NLRP6: variants seen among roughly 807,000 people sequenced by gnomAD.
NLRP6 encodes the protein NACHT, LRR and PYD domains-containing protein 6.
A neutral mutation model predicts 70.9 loss-of-function variants in NLRP6; 55 were observed. The ratio of observed to expected loss-of-function variants is 0.78; its 90% CI spans 0.62 to 0.97. The LOEUF is 0.97. NLRP6 is among the 50% of genes least tolerant of loss of function. NLRP6 has a pLI of 0.00. For synonymous variants in NLRP6, 652 were observed against 581.9 expected (o/e 1.12, Z -1.73); for missense variants, 1,241 against 1,238.3 (o/e 1.00, Z -0.03).
chr11:279,270 G>A lies in NLRP6; in HGVS notation c.30-57G>A, dbSNP rs781105794. ...GGGTTCTCCGGCGCCAGAGTCGGGG[G>A]CGGGCGGGGGTCACCCGAGGGCCGC... On this transcript the variant is annotated intron_variant, in intron 1 of 7. Transcript: ENST00000534750. 9.7e-4 allele frequency: 1,175 copies of A among 1,216,010 alleles called. 20 individuals carry two copies. Among genetic ancestry groups the A allele is most frequent in the Non-Finnish European group, 1.2e-4 (119 of 972,864 alleles). 75.3% of individuals were successfully genotyped at this position (1,216,010 alleles called of 1,614,324 possible). A position where few individuals can be genotyped will look rare whatever the true frequency, so the allele number is the denominator to read the frequency against.
chr11:281,425 G>A lies in NLRP6; in HGVS notation c.1691G>A (p.Gly564Asp). 3.1e-6 allele frequency: 5 copies of A among 1,607,920 alleles called. No homozygotes were observed. The highest frequency in any genetic ancestry group is 1.3e-5 in the African/African-American group (1 of 75,002). The change falls in exon 4 of 8, where the codon GGC (glycine) becomes GAC (aspartate). Residue 564 changes from glycine (G) to aspartate (D), a missense_variant. Gly to Asp is a moderately conservative substitution (Grantham distance 94). Coordinates refer to ENST00000534750, the MANE Select transcript of NLRP6 (RefSeq NM_001276700.2). Reference protein sequence around the residue: ...ERMRDIERHFGCMVSERVKQE... With the variant: ...ERMRDIERHFDCMVSERVKQE... ...ATGCGCGACATCGAGCGCCACTTCGGCTGCATGGTTTCAGAGCGTGTGAAG... is the reference window on the plus strand; with the variant it reads ...ATGCGCGACATCGAGCGCCACTTCGACTGCATGGTTTCAGAGCGTGTGAAG...
At chr11:279,213 G>C (rs899365208) in intron 1 of NLRP6, 114 bp from the exon 2 acceptor site, 23 of 911,152 alleles carry the variant, frequency 2.5e-5, no homozygotes, top group Admixed American at 2.2e-4. Flanking sequence ...GACGATGCTT[G>C]GCCCGGGACT....
intron 2 of NLRP6, 29 bp from the exon 3 acceptor site, chr11:279,805 G>A (rs1436215215): frequency 6.3e-7 from 1 of 1,580,794 alleles, no homozygotes; most frequent in Non-Finnish European, 8.6e-7. Context: ...CCCGCCCTCG[G>A]CGGAACCTCA....
Position 279,442 on chromosome 11 carries a change from C to T in NLRP6, c.145C>T (p.Arg49Cys), listed in dbSNP as rs763915009. ...GCTGCGCGACGTGGGCCCGGACGGA[C>T]GCAGCATCCCGTGGGGGCGGCTGGA... ...HKLRDVGPDG[R>C]SIPWGRLERA... The change falls in exon 2 of 8, where the codon CGC becomes TGC. Residue 49 changes from arginine (R) to cysteine (C), a missense_variant. Coordinates refer to ENST00000534750, the MANE Select transcript of NLRP6 (RefSeq NM_001276700.2). 7.2e-7 allele frequency: 1 copy of T among 1,393,370 alleles called. No homozygotes were observed. Among genetic ancestry groups the T allele is most frequent in the Non-Finnish European group, 9.3e-7 (1 of 1,076,458 alleles). The allele number at this position is 1,393,370 out of a possible 1,614,324, so 86.3% of individuals were successfully genotyped here.
chr11:282,656 G>T, intron 4 of NLRP6, 49 bp from the exon 5 acceptor site: 9 of 1,422,086 alleles, frequency 6.3e-6, no homozygotes, highest in Non-Finnish European at 8.0e-6. Context: ...CTTTCCGGCA[G>T]GCACTGTGAG....
rs763271191 is a variant in NLRP6, at chr11:280,749, T to G, written c.1015T>G (p.Cys339Gly). The change falls in exon 4 of 8, where the codon TGT becomes GGT. Residue 339 changes from cysteine to glycine, a missense_variant. Physicochemically the swap from Cys to Gly is radical, Grantham distance 159. Transcript: ENST00000534750. ...AAPGRLQGRL[C>G]SPQCAEVRGF... ...CCCCGGGAGGCTGCAGGGCCGCCTG[T>G]GTTCCCCGCAGTGCGCCGAGGTGCG... The G allele has an allele frequency of 1.9e-6, 3 of 1,606,006 alleles. No homozygotes were observed. In the South Asian group the frequency reaches 3.3e-5, roughly 18 times the overall value.
At position 281,781 on chromosome 11, in the gene NLRP6, C is replaced by CAGGAGA. The variant is rs1564833335; in HGVS notation, c.2050_2055dup (p.Glu684_Lys685dup). 1 of 1,605,656 alleles carries CAGGAGA rather than the reference C, an allele frequency of 6.2e-7. No individual in the cohort carries two copies. Among genetic ancestry groups the CAGGAGA allele is most frequent in the South Asian group, 1.1e-5 (1 of 90,934 alleles). The stretch of plus-strand genomic sequence containing the variant: ...GATCAGCTGCAGATTGGTTGCTGCG[C>CAGGAGA]AGGAGAAGAAGAAGAAGAGCCTGGG... On this transcript the variant is annotated inframe_insertion, in exon 4 of 8. Coordinates refer to ENST00000534750, the MANE Select transcript of NLRP6 (RefSeq NM_001276700.2).
In NLRP6 at chr11:284,517, G is replaced by A. The variant is rs889039269; in HGVS notation, c.2412G>A (p.Val804=). Residue 804 remains valine (V), a synonymous_variant, in exon 7 of 8, where the codon GTG becomes GTA. Transcript: ENST00000534750. ...CCCAGCGAGGGCTCCAGTACCTGGT[G>A]GGTATGCTTCGGCAGAGCCCTGCCC... ...PDPQRGLQYL[V]GMLRQSPALT... 20 of 1,612,936 alleles carry A rather than the reference G, an allele frequency of 1.2e-5. No individual in the cohort carries two copies. Among genetic ancestry groups the A allele is most frequent in the Middle Eastern group, 1.6e-4 (1 of 6,084 alleles).
rs1289560147 is a variant in NLRP6, at chr11:282,751, C to T, written c.2152C>T (p.Leu718Phe). ...ACTGCCAGCCTCCCTTCTTCATCCA[C>T]TCTTTCAGGCAATGACTGACCCACT... ...KQLPASLLHP[L>F]FQAMTDPLCH... Residue 718 changes from leucine (L) to phenylalanine (F), a missense_variant, in exon 5 of 8, where the codon CTC (leucine) becomes TTC (phenylalanine). By Grantham distance (22) the Leu-to-Phe change is conservative. Transcript: ENST00000534750. 1 of 1,614,142 alleles carries T rather than the reference C, an allele frequency of 6.2e-7. No individual in the cohort carries two copies. Among genetic ancestry groups the T allele is most frequent in the Admixed American group, 1.7e-5 (1 of 60,032 alleles).
In NLRP6 at chr11:280,439, G is replaced by A; in HGVS notation, c.705G>A (p.Met235Ile). Reference protein sequence around the residue: ...YQGQVDFAFFMPCGELLERPG... With the variant: ...YQGQVDFAFFIPCGELLERPG... ...GCCAGGTGGACTTCGCCTTCTTCAT[G>A]CCCTGCGGCGAGCTGCTGGAGAGGC... Residue 235 changes from methionine to isoleucine, a missense_variant, in exon 4 of 8, where the codon ATG becomes ATA. Coordinates refer to ENST00000534750, the MANE Select transcript of NLRP6 (RefSeq NM_001276700.2). 6.3e-7 allele frequency: 1 copy of A among 1,592,170 alleles called. No homozygotes were observed. The highest frequency in any genetic ancestry group is 2.3e-5 in the East Asian group (1 of 44,286).
chr11:279,911 C>G (rs747865408), intron 3 of NLRP6, 39 bp downstream of exon 3: 203 of 1,490,958 alleles, frequency 1.4e-4, no homozygotes, highest in Non-Finnish European at 1.8e-4. Context: ...GTCCCCAACC[C>G]CACTTGGAGG....
Position 278,475 on chromosome 11 carries a change from C to G in NLRP6, c.-95C>G, listed in dbSNP as rs185970188. ...CGGGGAATGGACCGGGCTGGACAAC[C>G]TCTAAGACTTGGCTCCAGCTCAGCC... On this transcript the variant is annotated 5_prime_UTR_variant, in exon 1 of 8. Transcript: ENST00000534750. The surrounding 1 kb of genome is among the most constrained non-coding windows in gnomAD (Gnocchi z 4.7). 762 of 1,103,662 alleles carry G rather than the reference C, an allele frequency of 6.9e-4. 5 individuals carry two copies. In the African/African-American group the frequency reaches 0.011, roughly 17 times the overall value. 68.4% of individuals were successfully genotyped at this position (1,103,662 alleles called of 1,614,324 possible). A position where few individuals can be genotyped will look rare whatever the true frequency, so the allele number is the denominator to read the frequency against.
chr11:284,123 T>C (rs1312665019), intron 5 of NLRP6, 107 bp from the exon 6 acceptor site: 2 of 978,436 alleles, frequency 2.0e-6, no homozygotes, highest in African/African-American at 1.6e-5. Context: ...CACCAACACA[T>C]CTCTCAGCTG....
In NLRP6 at chr11:282,691, C is replaced by T. The variant is rs200919852; in HGVS notation, c.2106-14C>T. On this transcript the variant is annotated splice_polypyrimidine_tract_variant and intron_variant, in intron 4 of 7. Transcript: ENST00000534750. ...GGAGCAGGGTGGGCTTCACCTTCCT[C>T]TCTCTCCCAGCAGTTCTCAAGGCAC... is the stretch of plus-strand genomic sequence containing the variant. 296 of 1,608,020 alleles carry T rather than the reference C, an allele frequency of 1.8e-4. No individual in the cohort carries two copies. Among genetic ancestry groups the T allele is most frequent in the Non-Finnish European group, 2.4e-4 (278 of 1,174,416 alleles).
chr11:279,457 G>T lies in NLRP6; in HGVS notation c.160G>T (p.Gly54Trp). 9.9e-6 allele frequency: 14 copies of T among 1,407,778 alleles called. No individual in the cohort carries two copies. The highest frequency in any genetic ancestry group is 1.2e-5 in the Non-Finnish European group (13 of 1,083,330). 87.2% of individuals were successfully genotyped at this position (1,407,778 alleles called of 1,614,324 possible). A position where few individuals can be genotyped will look rare whatever the true frequency, so the allele number is the denominator to read the frequency against. Residue 54 changes from glycine (G) to tryptophan (W), a missense_variant, in exon 2 of 8, where the codon GGG becomes TGG. Transcript: ENST00000534750. ...VGPDGRSIPW[G>W]RLERADAVDL... ...CCCGGACGGACGCAGCATCCCGTGG[G>T]GGCGGCTGGAGCGCGCGGACGCCGT... is the stretch of plus-strand genomic sequence containing the variant.
chr11:281,428 G>T lies in NLRP6; in HGVS notation c.1694G>T (p.Cys565Phe). 1 of 1,607,536 alleles carries T rather than the reference G, an allele frequency of 6.2e-7. No individual in the cohort carries two copies. The highest frequency in any genetic ancestry group is 8.5e-7 in the Non-Finnish European group (1 of 1,177,072). ...RMRDIERHFG[C>F]MVSERVKQEA... is the part of the protein sequence containing the mutation. ...CGCGACATCGAGCGCCACTTCGGCT[G>T]CATGGTTTCAGAGCGTGTGAAGCAG... The change falls in exon 4 of 8, where the codon TGC becomes TTC. Residue 565 changes from cysteine (C) to phenylalanine (F), a missense_variant. Transcript: ENST00000534750.
rs956711568 is a variant in NLRP6, at chr11:281,898, C to G, written c.2105+59C>G. 2.8e-6 allele frequency: 4 copies of G among 1,442,452 alleles called. No individual in the cohort carries two copies. The African/African-American group carries it at 4.2e-5, about 15-fold the overall frequency. The allele number at this position is 1,442,452 out of a possible 1,614,324, so 89.4% of individuals were successfully genotyped here. ...GTGAGGTGTGTGTGCCGGTGCAAAC[C>G]TGTGCACCTCAGTGTCCATCTGGCA... On this transcript the variant is annotated intron_variant, in intron 4 of 7. Transcript: ENST00000534750.
rs996308158 is a variant in NLRP6 at position 278,944 on chromosome 11, C to A, written c.29+346C>A. On this transcript the variant is annotated intron_variant, in intron 1 of 7. Coordinates refer to ENST00000534750, the MANE Select transcript of NLRP6 (RefSeq NM_001276700.2). This position sits in a 1 kb window ranked among gnomAD's most constrained non-coding sequence, Gnocchi z 4.7. ...GGGAAGAGAGGGAAAAGAAGGAAAG[C>A]GAGGAAAGAGAGCTCAGGGTTCCTT... 2.9e-6 allele frequency: 1 copy of A among 348,136 alleles called. No individual in the cohort carries two copies. The allele number at this position is 348,136 out of a possible 1,614,324, so 21.6% of individuals were successfully genotyped here.
At position 281,309 on chromosome 11, in the gene NLRP6, C is replaced by T; in HGVS notation, c.1575C>T (p.Gly525=). 1 of 1,609,484 alleles carries T rather than the reference C, an allele frequency of 6.2e-7. No homozygotes were observed. The highest frequency in any genetic ancestry group is 8.5e-7 in the Non-Finnish European group (1 of 1,177,940). ...DGGVPRTAAG[G]VGTLLRGDAQ... is the part of the protein sequence containing the mutation. ...GGGTGCCCAGGACCGCGGCTGGCGGCGTTGGGACACTCCTGCGTGGGGACG... is the reference window on the plus strand; with the variant it reads ...GGGTGCCCAGGACCGCGGCTGGCGGTGTTGGGACACTCCTGCGTGGGGACG... The change falls in exon 4 of 8, where the codon GGC becomes GGT. Residue 525 remains glycine, a synonymous_variant. Coordinates refer to ENST00000534750, the MANE Select transcript of NLRP6 (RefSeq NM_001276700.2).
Sources: gnomAD v4.1 joint callset for allele counts on GRCh38, gnomAD v4.1.1 for gene constraint, Gnocchi (gnomAD v3.1) non-coding constraint, MANE v1.5 for transcripts, NCBI Gene and HGNC (gene_info 2026-07-23, HGNC 2026-07-21) for gene names.